RSU1: variants seen among roughly 807,000 people sequenced by gnomAD.
RSU1 encodes the protein rsu-1.
RSU1 carries 26 observed loss-of-function variants against 31.1 expected under a neutral mutation model. That is an observed-to-expected ratio of 0.84 (90% confidence interval 0.61 to 1.16). The LOEUF is 1.16. RSU1 is among the 50% of genes most tolerant of loss of function. RSU1 has a pLI of 0.00. For synonymous variants in RSU1, 164 were observed against 136.3 expected (o/e 1.20, Z -1.41); for missense variants, 320 against 339.1 (o/e 0.94, Z 0.44).
At chr10:16,596,053 C>T (rs1833607047) in intron 8 of RSU1, among the ~76,000 whole-genome samples, 1 of 152,084 alleles carries the variant, frequency 6.6e-6, no homozygotes, top group Admixed American at 6.5e-5. Flanking sequence ...GGTCACGGGT[C>T]CCCCTGAAGA....
chr10:16,731,615 A>G (rs1836513393), intron 7 of RSU1, among the ~76,000 whole-genome samples: 1 of 152,188 alleles, frequency 6.6e-6, no homozygotes, highest in African/African-American at 2.4e-5. Context: ...ACAATCCAAC[A>G]GCAATGCATG....
chr10:16,636,909 G>T, intron 8 of RSU1, among the ~76,000 whole-genome samples: 1 of 152,110 alleles, frequency 6.6e-6, no homozygotes, highest in Non-Finnish European at 1.5e-5. Flanking sequence ...ACAGCCATCT[G>T]TTCACTGTTT....
chr10:16,731,325 G>A (rs1266045351), intron 7 of RSU1, among the ~76,000 whole-genome samples: 5 of 151,648 alleles, frequency 3.3e-5, no homozygotes, highest in Admixed American at 2.0e-4. Context: ...AGCTACTTGG[G>A]AGACTGAGGC....
intron 8 of RSU1, among the ~76,000 whole-genome samples, chr10:16,610,010 T>C (rs937015915): frequency 6.6e-6 from 1 of 152,226 alleles, no homozygotes; most frequent in African/African-American, 2.4e-5. Context: ...TGGATGGAAT[T>C]AATTTTAATA....
intron 2 of RSU1, among the ~76,000 whole-genome samples, chr10:16,786,051 C>T (rs926474461): frequency 3.3e-5 from 5 of 152,080 alleles, no homozygotes; most frequent in African/African-American, 4.8e-5. Flanking sequence ...TCTAAAATTT[C>T]GTTGGTGACT....
chr10:16,690,658 C>A lies in RSU1; in HGVS notation c.731+4365G>T, dbSNP rs141059250. Among the ~76,000 whole-genome samples, 763 of 152,318 alleles carry A rather than the reference C, an allele frequency of 5.0e-3. 9 individuals are homozygous for A. The highest frequency in any genetic ancestry group is 0.016 in the African/African-American group (681 of 41,572). ...TTGGAGTCCATTAGAGCCTATAAAT[C>A]AGATCATCCATCCTCTCTGCCCTAG... On this transcript the variant is annotated intron_variant, in intron 8 of 8. Transcript: ENST00000345264.
At chr10:16,671,627 T>TTTTG (rs201609908) in intron 8 of RSU1, among the ~76,000 whole-genome samples, 5,598 of 151,852 alleles carry the variant, frequency 0.037, 335 homozygotes, top group African/African-American at 0.13. Context: ...AGGTGTTTTT[T>TTTTG]TTTGTTTGTT....
chr10:16,641,502 A>G (rs77146838), intron 8 of RSU1, among the ~76,000 whole-genome samples: 3 of 150,762 alleles, frequency 2.0e-5, no homozygotes, highest in Non-Finnish European at 2.9e-5. Flanking sequence ...AAAAAAAAAA[A>G]AAAAAATTAA....
chr10:16,787,845 A>G (rs926022017), intron 2 of RSU1, among the ~76,000 whole-genome samples: 6 of 152,240 alleles, frequency 3.9e-5, no homozygotes, highest in African/African-American at 1.4e-4. Flanking sequence ...CAGTGTGAAA[A>G]CAAACTAATA....
chr10:16,663,019 T>C (rs916547278), intron 8 of RSU1, among the ~76,000 whole-genome samples: 2 of 149,680 alleles, frequency 1.3e-5, no homozygotes, highest in African/African-American at 4.9e-5. Context: ...TGAGAGCAAA[T>C]TTGCTCAGCG....
At chr10:16,643,142 T>C (rs1834474865) in intron 8 of RSU1, among the ~76,000 whole-genome samples, 1 of 152,186 alleles carries the variant, frequency 6.6e-6, no homozygotes, top group African/African-American at 2.4e-5. Flanking sequence ...ATAATCATAA[T>C]ACAGTATATG....
chr10:16,610,567 T>C (rs1833876056), intron 8 of RSU1, among the ~76,000 whole-genome samples: 1 of 152,184 alleles, frequency 6.6e-6, no homozygotes, highest in South Asian at 2.1e-4. Flanking sequence ...ACGCTCCTTA[T>C]GAGAATCTAA....
In RSU1 at chr10:16,693,233, G is replaced by A. The variant is rs553283809; in HGVS notation, c.731+1790C>T. On this transcript the variant is annotated intron_variant, in intron 8 of 8. Transcript: ENST00000345264. ...TTCCCAAAGTGTTGGGGTTGCAGGCGTGAGCCACCATGCTCCGGCTGGCCA... is the reference window on the plus strand; with the variant it reads ...TTCCCAAAGTGTTGGGGTTGCAGGCATGAGCCACCATGCTCCGGCTGGCCA... Among the ~76,000 whole-genome samples, 8 of 152,320 alleles carry A rather than the reference G, an allele frequency of 5.3e-5. No homozygotes were observed. In the East Asian group the frequency reaches 9.7e-4, roughly 18 times the overall value.
intron 8 of RSU1, among the ~76,000 whole-genome samples, chr10:16,611,987 T>C (rs1247310938): frequency 6.6e-6 from 1 of 152,222 alleles, no homozygotes; most frequent in East Asian, 1.9e-4. Flanking sequence ...AAAAGTGCTT[T>C]ATCCTCCATA....
At chr10:16,598,674 C>G (rs942113345) in intron 8 of RSU1, among the ~76,000 whole-genome samples, 2 of 152,166 alleles carry the variant, frequency 1.3e-5, no homozygotes, top group Admixed American at 1.3e-4. Context: ...CTGTGTAAGC[C>G]AGAAAAGCAA....
intron 3 of RSU1, among the ~76,000 whole-genome samples, chr10:16,777,021 AT>A (rs1837547206): frequency 6.6e-6 from 1 of 151,958 alleles, no homozygotes; most frequent in Admixed American, 6.6e-5. Context: ...TTGGAATAAA[AT>A]TTTTTTAAAA....
At chr10:16,802,980 G>GTCCCTTTTTTTTC (rs1838188394) in intron 2 of RSU1, among the ~76,000 whole-genome samples, 1 of 152,160 alleles carries the variant, frequency 6.6e-6, no homozygotes, top group African/African-American at 2.4e-5. Context: ...AGGCAAGGAT[G>GTCCCTTTTTTTTC]TCCCCTCTCA....
chr10:16,800,582 A>G (rs150424955), intron 2 of RSU1, among the ~76,000 whole-genome samples: 139 of 152,364 alleles, frequency 9.1e-4, no homozygotes, highest in African/African-American at 2.6e-3. Flanking sequence ...CAAAATATCT[A>G]AGAACAATGG....
chr10:16,782,012 A>G (rs1211956270), intron 3 of RSU1, 22 bp downstream of exon 3: 1 of 1,608,476 alleles, frequency 6.2e-7, no homozygotes, highest in Admixed American at 1.7e-5. Flanking sequence ...AGAAACTGTA[A>G]CAAATGAGAA....
Sources: allele counts gnomAD v4.1 joint callset (sites outside exome capture counted in the v4.1 genomes callset), GRCh38; gene constraint gnomAD v4.1.1; transcripts MANE v1.5; gene names NCBI Gene and HGNC (gene_info 2026-07-23, HGNC 2026-07-21).